OR52N2: variants seen among roughly 807,000 people sequenced by gnomAD.
OR52N2 encodes olfactory receptor 52N2.
For synonymous variants in OR52N2, 129 were observed against 72.0 expected (o/e 1.79, Z -4.01); for missense variants, 326 against 196.6 (o/e 1.66, Z -3.94).
At chr11:5,818,745 T>C (rs1176329155) in intron 1 of OR52N2, among the ~76,000 whole-genome samples, 1 of 152,212 alleles carries the variant, frequency 6.6e-6, no homozygotes, top group Admixed American at 6.5e-5. Flanking sequence ...AATCTTATTT[T>C]CTTTTCATTC....
intron 1 of OR52N2, among the ~76,000 whole-genome samples, chr11:5,810,409 A>G (rs1160397151): frequency 6.6e-6 from 1 of 152,210 alleles, no homozygotes; most frequent in Non-Finnish European, 1.5e-5. Flanking sequence ...AGGTTGTATT[A>G]AGAGGCCCTC....
chr11:5,820,729 T>G lies in OR52N2; in HGVS notation c.394T>G (p.Leu132Val), dbSNP rs1846442671. The change falls in exon 2 of 2, where the codon TTA becomes GTA. Residue 132 changes from leucine (L) to valine (V), a missense_variant. Leu to Val is a conservative substitution (Grantham distance 32). Coordinates refer to ENST00000317037, the MANE Select transcript of OR52N2 (RefSeq NM_001005174.3). ...LDRYVAICYPLRYATILTNPV... is the reference protein window; with the variant it reads ...LDRYVAICYPVRYATILTNPV... ...CCGCTATGTGGCCATCTGCTACCCC[T>G]TACGCTATGCCACCATCCTTACCAA... 2.5e-6 allele frequency: 2 copies of G among 785,496 alleles called. No homozygotes were observed. Among genetic ancestry groups the G allele is most frequent in the Non-Finnish European group, 4.7e-6 (2 of 424,720 alleles). 48.7% of individuals were successfully genotyped at this position (785,496 alleles called of 1,614,324 possible). A position where few individuals can be genotyped will look rare whatever the true frequency, so the allele number is the denominator to read the frequency against.
chr11:5,812,289 T>C (rs1846368218), intron 1 of OR52N2, among the ~76,000 whole-genome samples: 1 of 150,680 alleles, frequency 6.6e-6, no homozygotes, highest in Non-Finnish European at 1.5e-5. Flanking sequence ...GGTCAGGAGA[T>C]CTAGACCATC....
At chr11:5,818,408 T>A (rs1846420441) in intron 1 of OR52N2, among the ~76,000 whole-genome samples, 1 of 152,020 alleles carries the variant, frequency 6.6e-6, no homozygotes, top group South Asian at 2.1e-4. Flanking sequence ...GGAGACTAAA[T>A]CAGCCTGGGG....
chr11:5,815,566 A>G (rs1846397598), intron 1 of OR52N2, among the ~76,000 whole-genome samples: 1 of 152,200 alleles, frequency 6.6e-6, no homozygotes, highest in African/African-American at 2.4e-5. Context: ...ATAAAAATAA[A>G]CAGAAAATAA....
intron 1 of OR52N2, among the ~76,000 whole-genome samples, chr11:5,812,883 C>G (rs1034489301): frequency 2.6e-5 from 4 of 151,768 alleles, no homozygotes; most frequent in African/African-American, 9.7e-5. Context: ...ATTTTTCTAT[C>G]ACAATTATAT....
At chr11:5,812,820 TA>T (rs1846374496) in intron 1 of OR52N2, among the ~76,000 whole-genome samples, 2 of 151,994 alleles carry the variant, frequency 1.3e-5, no homozygotes, top group South Asian at 4.1e-4. Flanking sequence ...AAACAAGTCT[TA>T]AAAAATTTAA....
rs1846437230 is a variant in OR52N2 at position 5,820,399 on chromosome 11, C to T, written c.64C>T (p.Leu22=). 1.3e-6 allele frequency: 1 copy of T among 780,904 alleles called. No homozygotes were observed. Among genetic ancestry groups the T allele is most frequent in the Non-Finnish European group, 2.4e-6 (1 of 418,076 alleles). 48.4% of individuals were successfully genotyped at this position (780,904 alleles called of 1,614,324 possible). The stretch of plus-strand genomic sequence containing the variant: ...CTTTATCTTGAATGGCGTTCCTGGG[C>T]TGGAAGCCACACACATCTGGATCTC... ...GFFILNGVPG[L]EATHIWISLP... The change falls in exon 2 of 2, where the codon CTG becomes TTG. Residue 22 remains leucine, a synonymous_variant. Coordinates refer to ENST00000317037, the MANE Select transcript of OR52N2 (RefSeq NM_001005174.3).
chr11:5,815,732 C>T (rs1231631689), intron 1 of OR52N2, among the ~76,000 whole-genome samples: 1 of 152,030 alleles, frequency 6.6e-6, no homozygotes, highest in Non-Finnish European at 1.5e-5. Flanking sequence ...TGCGTGAGAT[C>T]CCCAGGAGAA....
intron 1 of OR52N2, among the ~76,000 whole-genome samples, chr11:5,816,510 T>C (rs926193692): frequency 1.3e-5 from 2 of 151,408 alleles, no homozygotes; most frequent in Admixed American, 6.6e-5. Context: ...GCGGAGGCCA[T>C]GTATGGTCTC....
intron 1 of OR52N2, among the ~76,000 whole-genome samples, chr11:5,817,833 G>T (rs1296440226): frequency 6.6e-6 from 1 of 152,068 alleles, no homozygotes; most frequent in African/African-American, 2.4e-5. Context: ...ATTCATTGAG[G>T]AATTATATTT....
At chr11:5,814,207 G>C (rs1446336617) in intron 1 of OR52N2, among the ~76,000 whole-genome samples, 1 of 152,090 alleles carries the variant, frequency 6.6e-6, no homozygotes, top group African/African-American at 2.4e-5. Context: ...TGAAAAAGAA[G>C]AAGTAAAATT....
chr11:5,810,362 CT>C lies in OR52N2; in HGVS notation c.-55+1309del, dbSNP rs1274063469. The stretch of plus-strand genomic sequence containing the variant: ...ACATTCTCTGTCAACTCCTTGTCTC[CT>C]GTGTGTCTCAGCTCTGAACTGAGGA... On this transcript the variant is annotated intron_variant, in intron 1 of 1. Coordinates refer to ENST00000317037, the MANE Select transcript of OR52N2 (RefSeq NM_001005174.3). Among the ~76,000 whole-genome samples the C allele has an allele frequency of 3.3e-5, 5 of 152,212 alleles. No individual in the cohort carries two copies. The East Asian group carries it at 9.7e-4, about 29-fold the overall frequency.
chr11:5,819,841 A>G (rs1289188680), intron 1 of OR52N2, among the ~76,000 whole-genome samples: 1 of 152,194 alleles, frequency 6.6e-6, no homozygotes, highest in African/African-American at 2.4e-5. Flanking sequence ...TTAAAAACGG[A>G]AAGTTAAGCT....
chr11:5,818,565 A>C (rs562998501), intron 1 of OR52N2, among the ~76,000 whole-genome samples: 1 of 152,328 alleles, frequency 6.6e-6, no homozygotes, highest in African/African-American at 2.4e-5. Context: ...ATTTTCATAA[A>C]TCCCTATTTT....
chr11:5,820,799 T>A lies in OR52N2; in HGVS notation c.464T>A (p.Val155Glu), dbSNP rs1445722741. 2 of 774,320 alleles carry A rather than the reference T, an allele frequency of 2.6e-6. No homozygotes were observed. The highest frequency in any genetic ancestry group is 1.7e-5 in the African/African-American group (1 of 59,146). 48.0% of individuals were successfully genotyped at this position (774,320 alleles called of 1,614,324 possible). Residue 155 changes from valine (V) to glutamate (E), a missense_variant, in exon 2 of 2, where the codon GTG becomes GAG. Transcript: ENST00000317037. Reference sequence around the variant, plus strand: ...GGTCTTGCCACCTTCTTGAGGAATGTGATGCTCATCATCCCATTCACTCTC... The same window carrying A: ...GGTCTTGCCACCTTCTTGAGGAATGAGATGCTCATCATCCCATTCACTCTC... Reference protein sequence around the residue: ...KAGLATFLRNVMLIIPFTLLT... With the variant: ...KAGLATFLRNEMLIIPFTLLT...
rs376706339 is a variant in OR52N2 at position 5,820,459 on chromosome 11, G to A, written c.124G>A (p.Val42Met). ...PFCFMYIIAVVGNCGLICLIS... is the reference protein window; with the variant it reads ...PFCFMYIIAVMGNCGLICLIS... ...CTGCTTTATGTACATCATTGCTGTC[G>A]TGGGGAACTGTGGGCTCATCTGCCT... The change falls in exon 2 of 2, where the codon GTG becomes ATG. Residue 42 changes from valine (V) to methionine (M), a missense_variant. Transcript: ENST00000317037. 3.1e-5 allele frequency: 24 copies of A among 779,796 alleles called. No individual in the cohort carries two copies. The highest frequency in any genetic ancestry group is 2.0e-4 in the African/African-American group (12 of 59,072). 48.3% of individuals were successfully genotyped at this position (779,796 alleles called of 1,614,324 possible). A position where few individuals can be genotyped will look rare whatever the true frequency, so the allele number is the denominator to read the frequency against.
At chr11:5,816,803 A>G (rs1413496899) in intron 1 of OR52N2, among the ~76,000 whole-genome samples, 1 of 152,190 alleles carries the variant, frequency 6.6e-6, no homozygotes. Context: ...GGTGTGAGCC[A>G]CTGCGCCTGA....
intron 1 of OR52N2, among the ~76,000 whole-genome samples, chr11:5,819,470 T>G (rs1349972870): frequency 6.6e-6 from 1 of 152,196 alleles, no homozygotes; most frequent in Middle Eastern, 3.2e-3. Context: ...GATAGGGAAC[T>G]TGTGAAAAGA....
Sources: gnomAD v4.1 joint callset for allele counts (sites outside exome capture counted in the v4.1 genomes callset) on GRCh38, gnomAD v4.1.1 for gene constraint, MANE v1.5 for transcripts, NCBI Gene and HGNC (gene_info 2026-07-23, HGNC 2026-07-21) for gene names.